Variants in DPF3 observed in about 807,000 individuals in gnomAD.
DPF3 encodes zinc finger protein DPF3.
DPF3 carries 18 observed loss-of-function variants against 56.8 expected under a neutral mutation model. That is an observed-to-expected ratio of 0.32 (90% confidence interval 0.22 to 0.47). The LOEUF (loss-of-function observed/expected upper bound fraction) is 0.47, where lower values mean the gene tolerates loss of function less well. Among genes scored for constraint, DPF3 ranks in the 20% least tolerant of loss-of-function variants. DPF3 has a pLI of 1.00. For synonymous variants in DPF3, 188 were observed against 180.2 expected, an observed-to-expected ratio of 1.04 and a Z score of -0.35; for missense variants, 403 against 488.8, an observed-to-expected ratio of 0.82 and a Z score of 1.65.
intron 7 of DPF3, 146 bp downstream of exon 7, chr14:72,692,930 T>C: frequency 7.2e-7 from 1 of 1,396,126 alleles, no homozygotes; most frequent in South Asian, 1.4e-5. Flanking sequence ...GCTGGCTGGC[T>C]GAAAGGGCCA....
chr14:72,843,462 A>T (rs967621028), intron 1 of DPF3, among the ~76,000 whole-genome samples: 2 of 152,244 alleles, frequency 1.3e-5, no homozygotes, highest in Non-Finnish European at 2.9e-5. Flanking sequence ...GATGGAAAAG[A>T]TTCACTGTGA....
intron 6 of DPF3, among the ~76,000 whole-genome samples, chr14:72,694,048 C>T (rs1018976470): frequency 6.6e-5 from 10 of 152,146 alleles, no homozygotes; most frequent in South Asian, 4.1e-4. Flanking sequence ...CCAAGGGCAG[C>T]GAGCAATCGA....
At chr14:72,792,096 C>T (rs1892462022) in intron 1 of DPF3, among the ~76,000 whole-genome samples, 1 of 152,082 alleles carries the variant, frequency 6.6e-6, no homozygotes, top group South Asian at 2.1e-4. Flanking sequence ...CCCACCCCCG[C>T]CCCCAACCCC....
At chr14:72,661,714 CG>C (rs1287033435) in intron 8 of DPF3, 1 of 985,344 alleles carries the variant, frequency 1.0e-6, no homozygotes, top group Non-Finnish European at 1.2e-6. Context: ...TCCTTCAGGT[CG>C]GCCTTCCTAG....
chr14:72,792,089 A>T (rs956380759), intron 1 of DPF3, among the ~76,000 whole-genome samples: 1 of 132,520 alleles, frequency 7.5e-6, no homozygotes, highest in Admixed American at 7.7e-5. Context: ...CATGCCCCCC[A>T]CCCCCGCCCC....
intron 8 of DPF3, among the ~76,000 whole-genome samples, chr14:72,635,087 C>G (rs572296387): frequency 6.6e-6 from 1 of 152,204 alleles, no homozygotes; most frequent in Non-Finnish European, 1.5e-5. Context: ...CCTTCCAGAA[C>G]TGACCTCAAT....
intron 7 of DPF3, among the ~76,000 whole-genome samples, chr14:72,692,408 A>C (rs1220984557): frequency 6.6e-6 from 1 of 152,204 alleles, no homozygotes; most frequent in Non-Finnish European, 1.5e-5. Context: ...GCCCCTTTGG[A>C]TTCCCTAATT....
At chr14:72,713,522 T>C (rs1176978060) in intron 6 of DPF3, among the ~76,000 whole-genome samples, 25 of 152,170 alleles carry the variant, frequency 1.6e-4, no homozygotes, top group Admixed American at 1.6e-3. Flanking sequence ...GCCTCGACTG[T>C]TTCACTGCCA....
chr14:72,789,795 A>C (rs1202714591), intron 1 of DPF3, among the ~76,000 whole-genome samples: 2 of 151,946 alleles, frequency 1.3e-5, no homozygotes, highest in African/African-American at 4.8e-5. Flanking sequence ...AGCTTCCCAA[A>C]GTGCTGCTGG....
At chr14:72,780,546 G>A (rs972577753) in intron 1 of DPF3, among the ~76,000 whole-genome samples, 40 of 152,286 alleles carry the variant, frequency 2.6e-4, no homozygotes, top group Non-Finnish European at 8.8e-5. Context: ...TGCTTGGAAC[G>A]TTCTAACTTT....
intron 1 of DPF3, among the ~76,000 whole-genome samples, chr14:72,772,203 C>CA (rs1409094439): frequency 6.6e-6 from 1 of 152,212 alleles, no homozygotes; most frequent in Non-Finnish European, 1.5e-5. Flanking sequence ...CATGAGGTCC[C>CA]ACTCCAGAAG....
At chr14:72,762,415 A>T (rs1891106212) in intron 2 of DPF3, among the ~76,000 whole-genome samples, 1 of 151,926 alleles carries the variant, frequency 6.6e-6, no homozygotes, top group African/African-American at 2.4e-5. Context: ...TCATTATGTT[A>T]AATGTAAACT....
chr14:72,643,097 T>C (rs1885609208), intron 8 of DPF3, among the ~76,000 whole-genome samples: 1 of 152,206 alleles, frequency 6.6e-6, no homozygotes, highest in Non-Finnish European at 1.5e-5. Context: ...GGAACATCCA[T>C]GTCTTCACAT....
chr14:72,823,351 C>A (rs1315144757), intron 1 of DPF3, among the ~76,000 whole-genome samples: 1 of 152,176 alleles, frequency 6.6e-6, no homozygotes, highest in African/African-American at 2.4e-5. Flanking sequence ...AGAGAAAAGG[C>A]TACGAGGGAG....
chr14:72,711,889 G>C (rs1426222855), intron 6 of DPF3, among the ~76,000 whole-genome samples: 1 of 152,060 alleles, frequency 6.6e-6, no homozygotes, highest in Non-Finnish European at 1.5e-5. Context: ...GGATGCATTA[G>C]AGATTATTAA....
chr14:72,751,728 A>G (rs562331794), intron 3 of DPF3, among the ~76,000 whole-genome samples: 1 of 152,294 alleles, frequency 6.6e-6, no homozygotes, highest in South Asian at 2.1e-4. Flanking sequence ...GTTAAATGGA[A>G]TATATTATTG....
In DPF3 at chr14:72,753,197, C is replaced by T. The variant is rs183784802; in HGVS notation, c.301+67G>A. ...GGACAAAGGAGCAAACCAACCTTGT[C>T]CTGGGCCCAGCCCAGTCCTCCCACC... is the stretch of plus-strand genomic sequence containing the variant. On this transcript the variant is annotated intron_variant, in intron 3 of 10. Transcript: ENST00000556509. The T allele has an allele frequency of 4.3e-5, 64 of 1,488,916 alleles. No homozygotes were observed. The East Asian group carries it at 7.8e-4, about 18-fold the overall frequency. 92.2% of individuals were successfully genotyped at this position (1,488,916 alleles called of 1,614,324 possible).
intron 1 of DPF3, among the ~76,000 whole-genome samples, chr14:72,871,635 C>A (rs1168830375): frequency 6.6e-6 from 1 of 152,006 alleles, no homozygotes; most frequent in East Asian, 1.9e-4. Flanking sequence ...TGCAAACACC[C>A]ATTAAAATGG....
At chr14:72,672,028 ACC>A (rs1567195968) in intron 8 of DPF3, among the ~76,000 whole-genome samples, 1 of 123,084 alleles carries the variant, frequency 8.1e-6, no homozygotes, top group African/African-American at 3.6e-5. Flanking sequence ...ACGTGTGCAC[ACC>A]ACACACACAC....
Sources: gnomAD v4.1 joint callset for allele counts (sites outside exome capture counted in the v4.1 genomes callset) on GRCh38, gnomAD v4.1.1 for gene constraint, MANE v1.5 for transcripts, NCBI Gene and HGNC (gene_info 2026-07-23, HGNC 2026-07-21) for gene names.